KIAA1549L: variants seen among roughly 807,000 people sequenced by gnomAD.
KIAA1549L encodes the protein UPF0606 protein KIAA1549L.
Under a neutral mutation model 160.7 loss-of-function variants are expected in KIAA1549L, and 88 were observed. The ratio of observed to expected loss-of-function variants is 0.55; its 90% CI spans 0.46 to 0.65. The LOEUF is 0.65. Ranked by LOEUF, KIAA1549L falls within the 30% of genes least tolerant of loss-of-function variation. The pLI is 0.00. For missense variants in KIAA1549L, 2,258 were observed against 2,437.5 expected (o/e 0.93, Z 1.55); for synonymous variants, 950 against 976.7 (o/e 0.97, Z 0.51).
intron 1 of KIAA1549L, among the ~76,000 whole-genome samples, chr11:33,429,139 T>G (rs576358967): frequency 1.3e-5 from 2 of 152,108 alleles, no homozygotes; most frequent in Non-Finnish European, 2.9e-5. Context: ...CCGCTGCTAA[T>G]TTTTGTATTT....
At chr11:33,403,258 C>CAG (rs1424708107) in intron 1 of KIAA1549L, 1 of 111,554 alleles carries the variant, frequency 9.0e-6, no homozygotes, top group Non-Finnish European at 1.8e-5. Context: ...GACACACACA[C>CAG]AGACACAGAC....
chr11:33,438,296 A>G (rs890700497), intron 1 of KIAA1549L, among the ~76,000 whole-genome samples: 3 of 152,204 alleles, frequency 2.0e-5, no homozygotes, highest in African/African-American at 7.2e-5. Context: ...CAAGCTGGTG[A>G]CCAGTTTAGA....
chr11:33,585,996 G>A (rs1849858832), intron 11 of KIAA1549L, among the ~76,000 whole-genome samples: 1 of 152,238 alleles, frequency 6.6e-6, no homozygotes. Flanking sequence ...TGGGAAACCA[G>A]CAGGGTGGAA....
chr11:33,590,692 C>A (rs1268300048), intron 11 of KIAA1549L, among the ~76,000 whole-genome samples: 5 of 152,316 alleles, frequency 3.3e-5, no homozygotes, highest in African/African-American at 1.2e-4. Flanking sequence ...GTGTTCAGAT[C>A]TGTGATCCAC....
At chr11:33,579,007 C>A (rs561771085) in intron 10 of KIAA1549L, among the ~76,000 whole-genome samples, 3 of 152,164 alleles carry the variant, frequency 2.0e-5, no homozygotes, top group African/African-American at 7.2e-5. Flanking sequence ...TGCTAGGTGC[C>A]GAGAGAGGCA....
intron 1 of KIAA1549L, among the ~76,000 whole-genome samples, chr11:33,427,560 A>G (rs1851144882): frequency 6.6e-6 from 1 of 152,088 alleles, no homozygotes; most frequent in Non-Finnish European, 1.5e-5. Context: ...AACCCCCTTG[A>G]AATAATTTCC....
intron 1 of KIAA1549L, among the ~76,000 whole-genome samples, chr11:33,443,602 G>T (rs574489446): frequency 2.0e-5 from 3 of 151,060 alleles, no homozygotes; most frequent in Non-Finnish European, 4.4e-5. Flanking sequence ...ATTTTTTTTG[G>T]TGCCCCAAAT....
intron 18 of KIAA1549L, among the ~76,000 whole-genome samples, chr11:33,658,377 A>T (rs938960274): frequency 6.6e-6 from 1 of 152,092 alleles, no homozygotes; most frequent in African/African-American, 2.4e-5. Flanking sequence ...CTGGCTGCTG[A>T]TGATGTCATC....
At chr11:33,472,792 T>G (rs1852207489) in intron 1 of KIAA1549L, among the ~76,000 whole-genome samples, 1 of 152,230 alleles carries the variant, frequency 6.6e-6, no homozygotes, top group Non-Finnish European at 1.5e-5. Flanking sequence ...TTTCTCATGC[T>G]GCAAAATCTA....
At chr11:33,614,274 A>T (rs920586396) in intron 15 of KIAA1549L, among the ~76,000 whole-genome samples, 1 of 151,600 alleles carries the variant, frequency 6.6e-6, no homozygotes, top group African/African-American at 2.4e-5. Context: ...CTAGTAAAGG[A>T]CTCACTGGCA....
chr11:33,441,117 G>A (rs1288504138), intron 1 of KIAA1549L, among the ~76,000 whole-genome samples: 3 of 131,534 alleles, frequency 2.3e-5, no homozygotes, highest in Non-Finnish European at 3.1e-5. Flanking sequence ...TCCCCTTCCC[G>A]TGTCCATGTG....
intron 1 of KIAA1549L, among the ~76,000 whole-genome samples, chr11:33,475,461 G>A (rs1206121208): frequency 6.6e-6 from 1 of 152,030 alleles, no homozygotes; most frequent in Non-Finnish European, 1.5e-5. Context: ...GAAATCTGAG[G>A]TGGGAGGATC....
chr11:33,637,833 T>C (rs1851476549), intron 16 of KIAA1549L, among the ~76,000 whole-genome samples: 1 of 152,250 alleles, frequency 6.6e-6, no homozygotes, highest in Non-Finnish European at 1.5e-5. Context: ...ATTACCTGTG[T>C]GAAGGCGCCA....
chr11:33,424,494 C>A (rs1050346599), intron 1 of KIAA1549L, among the ~76,000 whole-genome samples: 2 of 152,062 alleles, frequency 1.3e-5, no homozygotes, highest in Non-Finnish European at 2.9e-5. Flanking sequence ...ACTCATTTTT[C>A]TTCATTTAAT....
At chr11:33,499,363 G>T (rs908538691) in intron 1 of KIAA1549L, among the ~76,000 whole-genome samples, 2 of 152,198 alleles carry the variant, frequency 1.3e-5, no homozygotes, top group Non-Finnish European at 2.9e-5. Flanking sequence ...ACTCTCATAG[G>T]TTTAAGTAGT....
rs1294390121 is a variant in KIAA1549L at position 33,424,415 on chromosome 11, CT to C, written c.238+47528del. ...CTATGGGAAACCATTATACATCCAC[CT>C]TGCAGTCTTAATTTGGCTCCTTCTG... is the stretch of plus-strand genomic sequence containing the variant. On this transcript the variant is annotated intron_variant, in intron 1 of 20. Transcript: ENST00000658780. Among the ~76,000 whole-genome samples the C allele has an allele frequency of 2.6e-5, 4 of 152,144 alleles. No homozygotes were observed. The East Asian group carries it at 5.8e-4, about 22-fold the overall frequency.
chr11:33,559,754 G>A lies in KIAA1549L; in HGVS notation c.3861G>A (p.Val1287=), dbSNP rs1369942060. The change falls in exon 7 of 21, where the codon GTG becomes GTA. Residue 1287 remains valine, a synonymous_variant. Transcript: ENST00000658780. ...NTKSNLTIQI[V]STSNASQAVT... is the part of the protein sequence containing the mutation. The stretch of plus-strand genomic sequence containing the variant: ...TTTCTCCTGTGTTGATTCAGATTGT[G>A]AGCACGTCCAATGCCTCCCAGGCAG... The A allele has an allele frequency of 7.4e-6, 12 of 1,613,678 alleles. No individual in the cohort carries two copies. The highest frequency in any genetic ancestry group is 9.3e-6 in the Non-Finnish European group (11 of 1,179,798).
At chr11:33,531,078 T>C (rs1853758177) in intron 1 of KIAA1549L, among the ~76,000 whole-genome samples, 1 of 152,182 alleles carries the variant, frequency 6.6e-6, no homozygotes, top group South Asian at 2.1e-4. Flanking sequence ...GGAATTCTTC[T>C]TCTTTTCTTT....
intron 1 of KIAA1549L, among the ~76,000 whole-genome samples, chr11:33,481,555 C>T (rs1852411873): frequency 6.6e-6 from 1 of 152,096 alleles, no homozygotes; most frequent in African/African-American, 2.4e-5. Context: ...TGTGTTACTC[C>T]TGATATGTCA....
Sources: gnomAD v4.1 joint callset for allele counts (sites outside exome capture counted in the v4.1 genomes callset) on GRCh38, gnomAD v4.1.1 for gene constraint, MANE v1.5 for transcripts, NCBI Gene and HGNC (gene_info 2026-07-23, HGNC 2026-07-21) for gene names.